WDFY3: variants seen among roughly 807,000 people sequenced by gnomAD.
WDFY3 encodes the protein WD repeat and FYVE domain containing 3.
A neutral mutation model predicts 409.6 loss-of-function variants in WDFY3; 66 were observed. The ratio of observed to expected loss-of-function variants is 0.16; its 90% CI spans 0.13 to 0.20. The LOEUF is 0.20. Ranked by LOEUF, WDFY3 falls within the 10% of genes least tolerant of loss-of-function variation. The pLI is 1.00. For missense variants in WDFY3, 3,031 were observed against 4,298.1 expected, an observed-to-expected ratio of 0.71 and a Z score of 8.24; for synonymous variants, 1,521 against 1,537.1, an observed-to-expected ratio of 0.99 and a Z score of 0.25.
At chr4:84,915,833 AC>A (rs757250780) in intron 2 of WDFY3, among the ~76,000 whole-genome samples, 1 of 152,206 alleles carries the variant, frequency 6.6e-6, no homozygotes, top group Non-Finnish European at 1.5e-5. Flanking sequence ...TTTTAATTAT[AC>A]ACACATACCT....
chr4:84,774,222 T>C (rs147313073), intron 29 of WDFY3, among the ~76,000 whole-genome samples: 69 of 152,290 alleles, frequency 4.5e-4, no homozygotes, highest in Non-Finnish European at 7.8e-4. Flanking sequence ...TTCAATTGTG[T>C]AGTTTGTTTT....
intron 2 of WDFY3, among the ~76,000 whole-genome samples, chr4:84,927,723 C>G: frequency 6.6e-6 from 1 of 152,200 alleles, no homozygotes; most frequent in Non-Finnish European, 1.5e-5. Context: ...TTCATTCTCT[C>G]TCCTGCTGCC....
rs1370008623 is a variant in WDFY3 at position 84,704,331 on chromosome 4, G to A, written c.8442+7C>T. The A allele has an allele frequency of 1.5e-5, 23 of 1,582,004 alleles. No homozygotes were observed. The highest frequency in any genetic ancestry group is 2.0e-5 in the Non-Finnish European group (23 of 1,166,120). On this transcript the variant is annotated splice_region_variant and intron_variant, in intron 55 of 67. Transcript: ENST00000295888. The stretch of plus-strand genomic sequence containing the variant: ...AAAATAGAAAAACCCCAAATTTAAA[G>A]TTTTACCTGTAGCCTTAAGAATATC...
At chr4:84,717,243 C>T (rs1407212841) in intron 48 of WDFY3, among the ~76,000 whole-genome samples, 3 of 152,112 alleles carry the variant, frequency 2.0e-5, no homozygotes, top group African/African-American at 7.2e-5. Flanking sequence ...ACTGTCAGGA[C>T]CAAGTTATCT....
At chr4:84,836,483 C>A (rs946954898) in intron 7 of WDFY3, among the ~76,000 whole-genome samples, 8 of 152,046 alleles carry the variant, frequency 5.3e-5, no homozygotes, top group African/African-American at 1.9e-4. Context: ...GCCTTACAGG[C>A]AGGGCAGAGG....
intron 67 of WDFY3, among the ~76,000 whole-genome samples, chr4:84,676,304 A>C (rs1477986715): frequency 3.9e-5 from 6 of 152,248 alleles, no homozygotes; most frequent in Non-Finnish European, 8.8e-5. Flanking sequence ...TTGCAAGTTA[A>C]AACAACAAAG....
intron 36 of WDFY3, among the ~76,000 whole-genome samples, chr4:84,747,695 G>A (rs1371512345): frequency 2.6e-5 from 4 of 152,058 alleles, no homozygotes; most frequent in Non-Finnish European, 4.4e-5. Flanking sequence ...GTGATAGTGA[G>A]TGAGTTCTCA....
At chr4:84,860,376 G>A in intron 4 of WDFY3, 36 bp downstream of exon 4, 2 of 1,574,272 alleles carry the variant, frequency 1.3e-6, no homozygotes, top group South Asian at 1.2e-5. Context: ...GTGCCCCCCA[G>A]TCCCGGAAGG....
Position 84,778,754 on chromosome 4 carries a change from CACACAA to C in WDFY3, c.4366-105_4366-100del. ...ATACACACACAAACACACACATACACACACAAACACACACATACACACAGAATCCTA... is the reference window on the plus strand; with the variant it reads ...ATACACACACAAACACACACATACACACACACACATACACACAGAATCCTA... On this transcript the variant is annotated intron_variant, in intron 26 of 67. Coordinates refer to ENST00000295888, the MANE Select transcript of WDFY3 (RefSeq NM_014991.6). 2.8e-6 allele frequency: 3 copies of C among 1,068,912 alleles called. No individual in the cohort carries two copies. In the African/African-American group the frequency reaches 4.8e-5, roughly 17 times the overall value. The allele number at this position is 1,068,912 out of a possible 1,614,324, so 66.2% of individuals were successfully genotyped here. A position where few individuals can be genotyped will look rare whatever the true frequency, so the allele number is the denominator to read the frequency against.
At chr4:84,845,153 C>T (rs2150064514) in intron 5 of WDFY3, among the ~76,000 whole-genome samples, 1 of 152,156 alleles carries the variant, frequency 6.6e-6, no homozygotes, top group East Asian at 1.9e-4. Context: ...TTAGGTAACA[C>T]CCAAAATAAC....
At chr4:84,888,224 T>G (rs1173362714) in intron 3 of WDFY3, among the ~76,000 whole-genome samples, 2 of 152,196 alleles carry the variant, frequency 1.3e-5, no homozygotes, top group African/African-American at 2.4e-5. Context: ...GGAAGAATTT[T>G]TCAAAGGCAA....
At chr4:84,945,896 T>G (rs1035868470) in intron 1 of WDFY3, among the ~76,000 whole-genome samples, 1 of 152,134 alleles carries the variant, frequency 6.6e-6, no homozygotes, top group African/African-American at 2.4e-5. Context: ...AAGCAGAGTT[T>G]TATTTCCTCA....
chr4:84,718,645 T>A, intron 47 of WDFY3, 75 bp from the exon 48 acceptor site: 1 of 1,504,198 alleles, frequency 6.6e-7, no homozygotes, highest in Non-Finnish European at 9.0e-7. Context: ...TACTACGGCA[T>A]CCCTAGAGCT....
chr4:84,862,776 A>AG (rs1426113853), intron 3 of WDFY3, among the ~76,000 whole-genome samples: 1 of 152,092 alleles, frequency 6.6e-6, no homozygotes, highest in African/African-American at 2.4e-5. Context: ...TCACGAGGTC[A>AG]GGGGATCGAG....
Position 84,803,292 on chromosome 4 carries a change from C to G in WDFY3, c.2605G>C (p.Glu869Gln). Reference protein sequence around the residue: ...LASVGSVTQPEHALDLQLAVA... With the variant: ...LASVGSVTQPQHALDLQLAVA... The stretch of plus-strand genomic sequence containing the variant: ...GGAACTAACATATTCAAGCTTACTT[C>G]TGGCTGTGTCACTGACCCAACAGAG... The change falls in exon 16 of 68, where the codon GAA (glutamate) becomes CAA (glutamine). Residue 869 changes from glutamate (E) to glutamine (Q), a missense_variant and splice_region_variant. This residue lies in a region of WDFY3 where 1,322 missense variants were observed against 1,697.9 expected (regional missense o/e 0.78). Transcript: ENST00000295888. The G allele has an allele frequency of 6.2e-7, 1 of 1,602,888 alleles. No homozygotes were observed. The highest frequency in any genetic ancestry group is 8.5e-7 in the Non-Finnish European group (1 of 1,176,330).
chr4:84,703,569 G>A (rs918027959), intron 55 of WDFY3, among the ~76,000 whole-genome samples: 1 of 152,094 alleles, frequency 6.6e-6, no homozygotes, highest in African/African-American at 2.4e-5. Flanking sequence ...ACTGGCCCCC[G>A]GGCTGCTCCT....
rs986393073 is a variant in WDFY3 at position 84,677,961 on chromosome 4, CAAAAAAAAAAA to C, written c.10259+196_10259+206del. ...TAAGTGACAGAACAAGACCCTGTCT[CAAAAAAAAAAA>C]AAAAAAAAAAAAAAAGAAAAAGAAA... On this transcript the variant is annotated intron_variant, in intron 66 of 67. Coordinates refer to ENST00000295888, the MANE Select transcript of WDFY3 (RefSeq NM_014991.6). 2.8e-4 allele frequency among the ~76,000 whole-genome samples: 6 copies of C among 21,182 alleles called. No homozygotes were observed. In the East Asian group the frequency reaches 6.4e-3, roughly 23 times the overall value. 13.9% of individuals were successfully genotyped at this position (21,182 alleles called of 152,430 possible).
chr4:84,914,840 G>C (rs968891006), intron 2 of WDFY3, among the ~76,000 whole-genome samples: 1 of 152,152 alleles, frequency 6.6e-6, no homozygotes, highest in Non-Finnish European at 1.5e-5. Context: ...GTTTTCAAAA[G>C]AGTTGAAAAC....
At position 84,826,690 on chromosome 4, in the gene WDFY3, G is replaced by C. The variant is rs1056262255; in HGVS notation, c.1123+125C>G. On this transcript the variant is annotated intron_variant, in intron 10 of 67. Transcript: ENST00000295888. Reference sequence around the variant, plus strand: ...ACTTAAACCATTAAAAAAAAAACAAGCTTTAAGGGAAACTATATTACTTTT... The same window carrying C: ...ACTTAAACCATTAAAAAAAAAACAACCTTTAAGGGAAACTATATTACTTTT... The C allele has an allele frequency of 5.2e-5, 49 of 937,340 alleles. No individual in the cohort carries two copies. The Middle Eastern group carries it at 1.1e-3, about 22-fold the overall frequency. The allele number at this position is 937,340 out of a possible 1,614,324, so 58.1% of individuals were successfully genotyped here.
Sources: allele counts gnomAD v4.1 joint callset (sites outside exome capture counted in the v4.1 genomes callset), GRCh38; gene constraint gnomAD v4.1.1; regional missense constraint gnomAD v4.1.1; transcripts MANE v1.5; gene names NCBI Gene and HGNC (gene_info 2026-07-23, HGNC 2026-07-21).